Variants in WWOX observed in about 807,000 individuals in gnomAD.
WWOX encodes the protein WW domain containing oxidoreductase.
In WWOX, 69 loss-of-function variants were observed where a neutral mutation model predicts 46.2. The observed-to-expected ratio is 1.49, with a 90% CI of 1.23 to 1.82. The LOEUF is 1.82. WWOX is among the 40% of genes most tolerant of loss of function. The pLI, the probability that WWOX is intolerant of heterozygous loss-of-function variation, is 0.00. For synonymous variants in WWOX, 359 were observed against 202.6 expected (o/e 1.77, Z -6.56); for missense variants, 919 against 542.6 (o/e 1.69, Z -6.89).
intron 6 of WWOX, 125 bp from the exon 7 acceptor site, chr16:78,424,745 G>C: frequency 9.2e-7 from 1 of 1,092,574 alleles, no homozygotes; most frequent in Non-Finnish European, 1.4e-6. Flanking sequence ...TCTCATTCCC[G>C]AAGGAGCATG....
At chr16:78,707,977 A>T (rs2048359634) in intron 8 of WWOX, among the ~76,000 whole-genome samples, 1 of 152,242 alleles carries the variant, frequency 6.6e-6, no homozygotes, top group South Asian at 2.1e-4. Context: ...AGTAAATAAC[A>T]CTTGATCTTT....
At chr16:78,264,012 T>TTTTTTTTTTTTTTTTTTTTTA (rs2079307184) in intron 5 of WWOX, among the ~76,000 whole-genome samples, 1 of 140,082 alleles carries the variant, frequency 7.1e-6, no homozygotes, top group Non-Finnish European at 1.5e-5. Context: ...TTTTTTTTTT[T>TTTTTTTTTTTTTTTTTTTTTA]TTTGTTTTTT....
chr16:78,136,032 G>A (rs957448425), intron 4 of WWOX, among the ~76,000 whole-genome samples: 2 of 152,238 alleles, frequency 1.3e-5, no homozygotes, highest in Non-Finnish European at 1.5e-5. Context: ...AATGGCATCC[G>A]ATTTTCTTAT....
rs2081065020 is a variant in WWOX, at chr16:78,344,602, C to T, written c.517-42258C>T. ...GCAGAGCTTGGCTATTATTCCCCTA[C>T]TTCGGTAGATACTGGCTGTACAGAA... On this transcript the variant is annotated intron_variant, in intron 5 of 8. Transcript: ENST00000566780. 1.6e-5 allele frequency among the ~76,000 whole-genome samples: 2 copies of T among 121,344 alleles called. 1 individual carries two copies. Among genetic ancestry groups the T allele is most frequent in the Admixed American group, 1.6e-4 (2 of 12,530 alleles). The allele number at this position is 121,344 out of a possible 152,430, so 79.6% of individuals were successfully genotyped here. A position where few individuals can be genotyped will look rare whatever the true frequency, so the allele number is the denominator to read the frequency against.
At chr16:78,769,904 G>C (rs1379236639) in intron 8 of WWOX, among the ~76,000 whole-genome samples, 1 of 151,964 alleles carries the variant, frequency 6.6e-6, no homozygotes, top group Non-Finnish European at 1.5e-5. Flanking sequence ...AGTTGGGCGT[G>C]TGTGGTGGAG....
At chr16:78,986,493 G>A (rs2046787382) in intron 8 of WWOX, among the ~76,000 whole-genome samples, 2 of 152,190 alleles carry the variant, frequency 1.3e-5, no homozygotes, top group African/African-American at 4.8e-5. Context: ...TTGGATTTTA[G>A]TGGATTTTCT....
In WWOX at chr16:78,819,838, C is replaced by T. The variant is rs928951506; in HGVS notation, c.1056+387086C>T. ...TGATGGTTAAGAGCTTACGTGTTTG[C>T]GCCAGTGAGACTTGCACTCAGTCTT... On this transcript the variant is annotated intron_variant, in intron 8 of 8. Transcript: ENST00000566780. Among the ~76,000 whole-genome samples the T allele has an allele frequency of 1.8e-4, 27 of 152,172 alleles. 1 individual carries two copies. The highest frequency in any genetic ancestry group is 4.6e-4 in the African/African-American group (19 of 41,466).
At position 78,866,618 on chromosome 16, in the gene WWOX, C is replaced by T. The variant is rs148861345; in HGVS notation, c.1057-344990C>T. On this transcript the variant is annotated intron_variant, in intron 8 of 8. Coordinates refer to ENST00000566780, the MANE Select transcript of WWOX (RefSeq NM_016373.4). ...AGGGCCACCAAGGCACTGGTGCATC[C>T]CCTGTGAGCCTATTTGGCTCCTGGC... Among the ~76,000 whole-genome samples the T allele has an allele frequency of 3.1e-4, 47 of 152,250 alleles. No homozygotes were observed. The East Asian group carries it at 9.1e-3, about 29-fold the overall frequency.
chr16:78,256,887 C>G (rs78886201), intron 5 of WWOX, among the ~76,000 whole-genome samples: 2,015 of 152,110 alleles, frequency 0.013, 20 homozygotes, highest in Middle Eastern at 0.058. Flanking sequence ...CTGAGTTGTT[C>G]AGTGTACAGA....
At chr16:78,907,546 G>A (rs1382867978) in intron 8 of WWOX, among the ~76,000 whole-genome samples, 2 of 152,112 alleles carry the variant, frequency 1.3e-5, no homozygotes, top group Admixed American at 1.3e-4. Context: ...TCCCCCCAAA[G>A]TTAGCTTGGC....
chr16:79,144,091 G>A (rs1004105755), intron 8 of WWOX, among the ~76,000 whole-genome samples: 16 of 152,264 alleles, frequency 1.1e-4, no homozygotes, highest in Non-Finnish European at 2.1e-4. Flanking sequence ...TAGAGATGGA[G>A]TATTGCTATG....
At chr16:78,493,038 A>G (rs1389133771) in intron 8 of WWOX, among the ~76,000 whole-genome samples, 1 of 152,112 alleles carries the variant, frequency 6.6e-6, no homozygotes, top group Admixed American at 6.5e-5. Flanking sequence ...TTTGATGAAA[A>G]CAGCATGGAT....
intron 8 of WWOX, among the ~76,000 whole-genome samples, chr16:78,762,879 A>G (rs1260191005): frequency 6.6e-6 from 1 of 152,202 alleles, no homozygotes; most frequent in Non-Finnish European, 1.5e-5. Context: ...TGAAGGACTC[A>G]TGGTAGTTAA....
chr16:78,422,347 T>A (rs1232881205), intron 6 of WWOX, among the ~76,000 whole-genome samples: 1 of 149,516 alleles, frequency 6.7e-6, no homozygotes, highest in Non-Finnish European at 1.5e-5. Context: ...GGCTGCGATG[T>A]GAAAAGTGTC....
chr16:79,140,537 C>A (rs1485411726), intron 8 of WWOX, among the ~76,000 whole-genome samples: 1 of 152,170 alleles, frequency 6.6e-6, no homozygotes, highest in Non-Finnish European at 1.5e-5. Context: ...AATGCAGCCT[C>A]CTCTTGATCT....
intron 8 of WWOX, among the ~76,000 whole-genome samples, chr16:78,779,273 T>A (rs937886647): frequency 6.6e-6 from 1 of 152,158 alleles, no homozygotes; most frequent in Non-Finnish European, 1.5e-5. Flanking sequence ...GCCTCCTGAG[T>A]AGCTGGGACT....
intron 1 of WWOX, among the ~76,000 whole-genome samples, chr16:78,107,855 A>G (rs1477073782): frequency 1.3e-5 from 2 of 152,148 alleles, no homozygotes; most frequent in Admixed American, 6.5e-5. Context: ...TATAAATTAG[A>G]TATTATGAAT....
intron 8 of WWOX, among the ~76,000 whole-genome samples, chr16:79,139,496 A>G (rs1194389057): frequency 6.6e-6 from 1 of 152,170 alleles, no homozygotes; most frequent in Non-Finnish European, 1.5e-5. Context: ...TTGCAAAAAG[A>G]TTTGTCCATC....
intron 8 of WWOX, among the ~76,000 whole-genome samples, chr16:78,714,735 G>A (rs1226411388): frequency 6.6e-6 from 1 of 152,174 alleles, no homozygotes; most frequent in Non-Finnish European, 1.5e-5. Flanking sequence ...CGGAATAAAT[G>A]AAGGGAAGAT....
Sources: allele counts gnomAD v4.1 joint callset (sites outside exome capture counted in the v4.1 genomes callset), GRCh38; gene constraint gnomAD v4.1.1; transcripts MANE v1.5; gene names NCBI Gene and HGNC (gene_info 2026-07-23, HGNC 2026-07-21).